Variants in SCN10A observed in about 807,000 individuals in gnomAD.
The protein encoded by SCN10A is sodium channel protein type 10 subunit alpha.
SCN10A carries 162 observed loss-of-function variants against 170.7 expected under a neutral mutation model. The ratio of observed to expected loss-of-function variants is 0.95; its 90% CI spans 0.84 to 1.08. The LOEUF is 1.08. Ranked by LOEUF, SCN10A falls within the 50% of genes least tolerant of loss-of-function variation. SCN10A has a pLI of 0.00. For missense variants in SCN10A, 2,527 were observed against 2,436.9 expected (o/e 1.04, Z -0.78); for synonymous variants, 985 against 904.6 (o/e 1.09, Z -1.59).
rs142884499 is a variant in SCN10A, at chr3:38,792,074, G to A, written c.365C>T (p.Thr122Met). ...TGAGTGGACAGACACTTTGATGGCC[G>A]TTCTTCTGATCAGGTTGAAAGGACT... ...LFSPFNLIRR[T>M]AIKVSVHSWF... The change falls in exon 3 of 28, where the codon ACG becomes ATG. Residue 122 changes from threonine to methionine, a missense_variant. By Grantham distance (81) the Thr-to-Met change is moderately conservative. Transcript: ENST00000449082. 6.5e-5 allele frequency: 105 copies of A among 1,613,764 alleles called. No individual in the cohort carries two copies. The highest frequency in any genetic ancestry group is 5.8e-4 in the East Asian group (26 of 44,858).
chr3:38,750,139 A>G lies in SCN10A; in HGVS notation c.1801T>C (p.Leu601=), dbSNP rs1319567180. Residue 601 remains leucine (L), a synonymous_variant, in exon 13 of 28, where the codon TTA becomes CTA. Transcript: ENST00000449082. ...CTTTGGGCCCGGAAAGGTTCATCTA[A>G]GTATTCTGCTGACAAGAAAGTCTTC... The part of the protein sequence containing the change: ...QKKTFLSAEY[L]DEPFRAQRAM... The G allele has an allele frequency of 6.2e-7, 1 of 1,613,390 alleles. No individual in the cohort carries two copies. The highest frequency in any genetic ancestry group is 1.3e-5 in the African/African-American group (1 of 74,942).
chr3:38,750,853 C>A (rs1208796158), intron 12 of SCN10A, among the ~76,000 whole-genome samples: 3 of 152,126 alleles, frequency 2.0e-5, no homozygotes, highest in Non-Finnish European at 2.9e-5. Context: ...GGGTGGGGGC[C>A]CATCACAAGA....
intron 1 of SCN10A, among the ~76,000 whole-genome samples, chr3:38,801,450 C>A (rs750323482): frequency 1.3e-5 from 2 of 152,160 alleles, no homozygotes; most frequent in African/African-American, 2.4e-5. Context: ...TTGGACTGAA[C>A]AAGCTTATCT....
rs1320575144 is a variant in SCN10A at position 38,792,183 on chromosome 3, A to G, written c.271-15T>C. ...ACCATAAATGTCTGAAACAAAACAA[A>G]ACAGAAAGTGGACCTCCAATGAGAA... is the stretch of plus-strand genomic sequence containing the variant. On this transcript the variant is annotated splice_polypyrimidine_tract_variant and intron_variant, in intron 2 of 27. Coordinates refer to ENST00000449082, the MANE Select transcript of SCN10A (RefSeq NM_006514.4). The G allele has an allele frequency of 1.2e-6, 2 of 1,611,758 alleles. No homozygotes were observed. The highest frequency in any genetic ancestry group is 2.7e-5 in the African/African-American group (2 of 74,900).
chr3:38,811,239 G>A (rs943431423), intron 1 of SCN10A, among the ~76,000 whole-genome samples: 1 of 152,102 alleles, frequency 6.6e-6, no homozygotes, highest in Admixed American at 6.5e-5. Flanking sequence ...GCTCACTTGA[G>A]GTCAGAAGTT....
intron 13 of SCN10A, among the ~76,000 whole-genome samples, chr3:38,747,435 G>T (rs1419297133): frequency 1.3e-5 from 2 of 152,176 alleles, no homozygotes; most frequent in Non-Finnish European, 2.9e-5. Context: ...AATGTGATGA[G>T]TATTTACTAC....
intron 1 of SCN10A, among the ~76,000 whole-genome samples, chr3:38,796,983 C>A (rs926791824): frequency 1.3e-5 from 2 of 151,718 alleles, no homozygotes; most frequent in Non-Finnish European, 1.5e-5. Context: ...GAGATAATGG[C>A]GAAACTTAAT....
At chr3:38,792,620 A>G (rs1034530657) in intron 2 of SCN10A, among the ~76,000 whole-genome samples, 2 of 152,160 alleles carry the variant, frequency 1.3e-5, no homozygotes, top group African/African-American at 2.4e-5. Flanking sequence ...TCTCCCTCTG[A>G]GGATTTAGGA....
At chr3:38,748,407 CTT>C (rs2063714410) in intron 13 of SCN10A, among the ~76,000 whole-genome samples, 1 of 152,174 alleles carries the variant, frequency 6.6e-6, no homozygotes, top group East Asian at 1.9e-4. Flanking sequence ...AGAAATGTAA[CTT>C]AGTTGAATTC....
In SCN10A at chr3:38,755,850, A is replaced by G. The variant is rs373895507; in HGVS notation, c.1399T>C (p.Ser467Pro). The G allele has an allele frequency of 5.6e-6, 9 of 1,613,964 alleles. No individual in the cohort carries two copies. The highest frequency in any genetic ancestry group is 7.6e-6 in the Non-Finnish European group (9 of 1,180,024). ...TTGTTGTCTTCTGTGGAGCCCTCTG[A>G]CACTCTTGGCTTTATTCTATGCCTT... The part of the protein sequence containing the change: ...ERRHRIKPRV[S>P]EGSTEDNKSP... The change falls in exon 11 of 28, where the codon TCA becomes CCA. Residue 467 changes from serine (S) to proline (P), a missense_variant. Ser to Pro is a moderately conservative substitution (Grantham distance 74). Transcript: ENST00000449082.
intron 5 of SCN10A, among the ~76,000 whole-genome samples, chr3:38,764,411 G>T (rs897959415): frequency 3.3e-5 from 5 of 152,136 alleles, no homozygotes; most frequent in African/African-American, 1.2e-4. Flanking sequence ...TTATGTCATT[G>T]TTATGCCTTT....
At chr3:38,728,447 TG>T in intron 16 of SCN10A, 94 bp downstream of exon 16, 1 of 1,337,070 alleles carries the variant, frequency 7.5e-7, no homozygotes, top group Non-Finnish European at 1.0e-6. Flanking sequence ...AAGTACAATC[TG>T]GGCATAAAAA....
intron 20 of SCN10A, among the ~76,000 whole-genome samples, chr3:38,720,191 C>T (rs1293189059): frequency 2.0e-5 from 3 of 152,268 alleles, no homozygotes; most frequent in South Asian, 2.1e-4. Flanking sequence ...GATTATCCAA[C>T]GTCTCTAAGG....
intron 3 of SCN10A, among the ~76,000 whole-genome samples, chr3:38,790,180 T>A (rs1265066991): frequency 6.6e-6 from 1 of 152,160 alleles, no homozygotes; most frequent in Non-Finnish European, 1.5e-5. Flanking sequence ...TCTCCAATTC[T>A]ACAAATATTT....
At chr3:38,763,713 T>A in intron 5 of SCN10A, 117 bp from the exon 6 acceptor site, 1 of 716,628 alleles carries the variant, frequency 1.4e-6, no homozygotes, top group Non-Finnish European at 2.5e-6. Context: ...AATGGACACT[T>A]AGAATCTAGT....
chr3:38,741,643 G>A (rs76656205), intron 14 of SCN10A, among the ~76,000 whole-genome samples: 4,137 of 152,240 alleles, frequency 0.027, 184 homozygotes, highest in African/African-American at 0.094. Context: ...GTGAAATCCA[G>A]TATGGATTGT....
At chr3:38,754,894 T>C (rs1459836156) in intron 11 of SCN10A, among the ~76,000 whole-genome samples, 8 of 152,076 alleles carry the variant, frequency 5.3e-5, no homozygotes, top group African/African-American at 1.7e-4. Flanking sequence ...TTTTCCACAC[T>C]GTTAGTGTGG....
At position 38,793,888 on chromosome 3, in the gene SCN10A, A is replaced by G. The variant is rs747084510; in HGVS notation, c.123T>C (p.His41=). 1.2e-5 allele frequency: 20 copies of G among 1,613,950 alleles called. No individual in the cohort carries two copies. Among genetic ancestry groups the G allele is most frequent in the Non-Finnish European group, 1.5e-5 (18 of 1,179,920 alleles). The change falls in exon 2 of 28, where the codon CAT becomes CAC. Residue 41 remains histidine (H), a synonymous_variant. Transcript: ENST00000449082. The part of the protein sequence containing the change: ...KQGTKKAREK[H]REQKDQEEKP... ...TCTCTTCTTGGTCCTTCTGCTCCCT[A>G]TGCTTCTCTCTGGCTTTCTTTGTTC... is the stretch of plus-strand genomic sequence containing the variant.
At chr3:38,701,310 C>G (rs2063153789) in intron 27 of SCN10A, among the ~76,000 whole-genome samples, 1 of 152,200 alleles carries the variant, frequency 6.6e-6, no homozygotes, top group South Asian at 2.1e-4. Flanking sequence ...TTTTCTATCA[C>G]TCATGTTCCC....
Sources: gnomAD v4.1 joint callset for allele counts (sites outside exome capture counted in the v4.1 genomes callset) on GRCh38, gnomAD v4.1.1 for gene constraint, MANE v1.5 for transcripts, NCBI Gene and HGNC (gene_info 2026-07-23, HGNC 2026-07-21) for gene names.